MSRA: variants seen among roughly 807,000 people sequenced by gnomAD.
MSRA encodes methionine sulfoxide reductase A.
MSRA carries 54 observed loss-of-function variants against 31.3 expected under a neutral mutation model. The ratio of observed to expected loss-of-function variants is 1.73; its 90% confidence interval spans 1.39 to 2.17. MSRA has a LOEUF of 2.17. Ranked by LOEUF, MSRA falls within the 30% of genes most tolerant of loss-of-function variation. MSRA has a pLI of 0.00. For missense variants in MSRA, 507 were observed against 300.9 expected, an observed-to-expected ratio of 1.69 and a Z score of -5.07; for synonymous variants, 169 against 116.5, an observed-to-expected ratio of 1.45 and a Z score of -2.90.
At position 10,283,160 on chromosome 8, in the gene MSRA, A is replaced by T. The variant is rs370279065; in HGVS notation, c.332-18374A>T. On this transcript the variant is annotated intron_variant, in intron 3 of 5. Coordinates refer to ENST00000317173, the MANE Select transcript of MSRA (RefSeq NM_012331.5). Reference sequence around the variant, plus strand: ...CACACACACACACACACACACACACACTCTCACCCTTCTCTTTGCTGGGGA... The same window carrying T: ...CACACACACACACACACACACACACTCTCTCACCCTTCTCTTTGCTGGGGA... Among the ~76,000 whole-genome samples the T allele has an allele frequency of 5.6e-4, 79 of 140,308 alleles. 1 individual carries two copies. The highest frequency in any genetic ancestry group is 1.5e-3 in the African/African-American group (55 of 36,894). The allele number at this position is 140,308 out of a possible 152,430, so 92.0% of individuals were successfully genotyped here.
chr8:10,301,054 C>T (rs1800817233), intron 3 of MSRA, among the ~76,000 whole-genome samples: 2 of 152,192 alleles, frequency 1.3e-5, no homozygotes, highest in African/African-American at 4.8e-5. Flanking sequence ...ACTCACTGAT[C>T]TCATGTGAAC....
chr8:10,203,073 G>A (rs1195869814), intron 1 of MSRA, among the ~76,000 whole-genome samples: 4 of 152,052 alleles, frequency 2.6e-5, no homozygotes, highest in African/African-American at 4.8e-5. Context: ...GCAAAATCAC[G>A]TTTTAAGAAC....
intron 5 of MSRA, among the ~76,000 whole-genome samples, chr8:10,423,271 T>C (rs1397480525): frequency 1.3e-5 from 2 of 152,118 alleles, no homozygotes; most frequent in African/African-American, 4.8e-5. Flanking sequence ...AAAACCGAGA[T>C]CCGGATCTAA....
chr8:10,229,790 C>G (rs933423992), intron 2 of MSRA, among the ~76,000 whole-genome samples: 7 of 152,098 alleles, frequency 4.6e-5, no homozygotes, highest in Non-Finnish European at 7.4e-5. Flanking sequence ...GGAAATATGC[C>G]CCATTCAACA....
intron 1 of MSRA, among the ~76,000 whole-genome samples, chr8:10,173,963 T>G (rs73530990): frequency 6.6e-6 from 1 of 152,018 alleles, no homozygotes; most frequent in African/African-American, 2.4e-5. Context: ...GCATCCACAT[T>G]GAGGTGGGTG....
chr8:10,321,318 G>T (rs117817229), intron 5 of MSRA, among the ~76,000 whole-genome samples: 1,929 of 152,230 alleles, frequency 0.013, 16 homozygotes, highest in African/African-American at 0.031. Flanking sequence ...AGTCAGGTAT[G>T]CAACAGCCCC....
At chr8:10,146,060 C>G (rs2129033611) in intron 1 of MSRA, among the ~76,000 whole-genome samples, 1 of 152,304 alleles carries the variant, frequency 6.6e-6, no homozygotes, top group Middle Eastern at 3.4e-3. Context: ...AAACAGTGCG[C>G]TGTAGTCACT....
Position 10,054,411 on chromosome 8 carries a change from G to GCC in MSRA, c.-105_-104dup. ...CCCGCGCCCGCCCGCCCGCGCCCCTGCCGCCCCCCGGTTCCGGCCGCGGAC... is the reference window on the plus strand; with the variant it reads ...CCCGCGCCCGCCCGCCCGCGCCCCTGCCCCGCCCCCCGGTTCCGGCCGCGGAC... On this transcript the variant is annotated 5_prime_UTR_variant, in exon 1 of 6. Coordinates refer to ENST00000317173, the MANE Select transcript of MSRA (RefSeq NM_012331.5). 1 of 649,120 alleles carries GCC rather than the reference G, an allele frequency of 1.5e-6. No homozygotes were observed. Among genetic ancestry groups the GCC allele is most frequent in the Non-Finnish European group, 2.0e-6 (1 of 494,010 alleles). The allele number at this position is 649,120 out of a possible 1,614,324, so 40.2% of individuals were successfully genotyped here.
chr8:10,369,659 A>C (rs896498927), intron 5 of MSRA, among the ~76,000 whole-genome samples: 1 of 152,214 alleles, frequency 6.6e-6, no homozygotes, highest in Admixed American at 6.5e-5. Flanking sequence ...CTTAAAAATG[A>C]GGCATAGGTT....
At chr8:10,129,779 G>A (rs538252084) in intron 1 of MSRA, among the ~76,000 whole-genome samples, 5 of 152,312 alleles carry the variant, frequency 3.3e-5, no homozygotes, top group African/African-American at 1.2e-4. Context: ...AAGTGGCTGA[G>A]TTGAATCTGT....
intron 3 of MSRA, among the ~76,000 whole-genome samples, chr8:10,284,760 C>T (rs1333886326): frequency 6.6e-6 from 1 of 152,096 alleles, no homozygotes; most frequent in African/African-American, 2.4e-5. Flanking sequence ...CATGTAACCT[C>T]TCTGTGCCTA....
chr8:10,388,309 G>A (rs1806519606), intron 5 of MSRA, among the ~76,000 whole-genome samples: 1 of 152,134 alleles, frequency 6.6e-6, no homozygotes, highest in African/African-American at 2.4e-5. Context: ...CCCTCGATAA[G>A]GGTCTTGTGA....
chr8:10,329,987 A>T (rs913684372), intron 5 of MSRA, among the ~76,000 whole-genome samples: 2 of 145,790 alleles, frequency 1.4e-5, no homozygotes, highest in African/African-American at 5.1e-5. Flanking sequence ...AGCTAGAAGG[A>T]TATTTGGGAG....
chr8:10,270,127 G>T (rs1014841811), intron 3 of MSRA, among the ~76,000 whole-genome samples: 1 of 152,204 alleles, frequency 6.6e-6, no homozygotes, highest in African/African-American at 2.4e-5. Context: ...AAAAACTTGA[G>T]TCAAGTTTCA....
intron 1 of MSRA, among the ~76,000 whole-genome samples, chr8:10,091,024 G>A (rs1347684900): frequency 6.6e-6 from 1 of 152,184 alleles, no homozygotes; most frequent in African/African-American, 2.4e-5. Flanking sequence ...ATCCTTTTCT[G>A]TGTAGAGATG....
chr8:10,291,794 T>G (rs565873596), intron 3 of MSRA, among the ~76,000 whole-genome samples: 182 of 152,178 alleles, frequency 1.2e-3, no homozygotes, highest in African/African-American at 4.1e-3. Flanking sequence ...TATTATTTAA[T>G]GAAAAAAAAT....
At chr8:10,289,442 A>T (rs1034849508) in intron 3 of MSRA, among the ~76,000 whole-genome samples, 1 of 152,014 alleles carries the variant, frequency 6.6e-6, no homozygotes, top group African/African-American at 2.4e-5. Flanking sequence ...TTGATACAGG[A>T]TGCAGTGTGT....
chr8:10,428,389 C>A lies in MSRA; in HGVS notation c.*77C>A. The A allele has an allele frequency of 6.8e-7, 1 of 1,468,698 alleles. No individual in the cohort carries two copies. Among genetic ancestry groups the A allele is most frequent in the Non-Finnish European group, 9.4e-7 (1 of 1,067,852 alleles). 91.0% of individuals were successfully genotyped at this position (1,468,698 alleles called of 1,614,324 possible). ...AATTGGGCAATGCTTGTGTGATTCA[C>A]AATCGTGGCATTTAAAGTGCACAAA... On this transcript the variant is annotated 3_prime_UTR_variant, in exon 6 of 6. Coordinates refer to ENST00000317173, the MANE Select transcript of MSRA (RefSeq NM_012331.5).
intron 3 of MSRA, among the ~76,000 whole-genome samples, chr8:10,275,256 G>C (rs941824619): frequency 6.6e-6 from 1 of 152,180 alleles, no homozygotes; most frequent in Non-Finnish European, 1.5e-5. Context: ...GTGATTGCAA[G>C]ATAATTCCAT....
Sources: allele counts gnomAD v4.1 joint callset (sites outside exome capture counted in the v4.1 genomes callset), GRCh38; gene constraint gnomAD v4.1.1; transcripts MANE v1.5; gene names NCBI Gene and HGNC (gene_info 2026-07-23, HGNC 2026-07-21).